RAPGEF4: variants seen among roughly 807,000 people sequenced by gnomAD.
RAPGEF4 encodes Rap guanine nucleotide exchange factor 4, also known as RAP guanine-nucleotide-exchange factor (GEF) 4.
A neutral mutation model predicts 147.9 loss-of-function variants in RAPGEF4; 66 were observed. The ratio of observed to expected loss-of-function variants is 0.45; its 90% CI spans 0.37 to 0.55. The LOEUF (loss-of-function observed/expected upper bound fraction) is 0.55, where lower values mean the gene tolerates loss of function less well. Ranked by LOEUF, RAPGEF4 falls within the 20% of genes least tolerant of loss-of-function variation. The pLI, the probability that RAPGEF4 is intolerant of heterozygous loss-of-function variation, is 0.00. For synonymous variants in RAPGEF4, 419 were observed against 442.7 expected (o/e 0.95, Z 0.67); for missense variants, 1,071 against 1,257.3 (o/e 0.85, Z 2.24).
intron 1 of RAPGEF4, among the ~76,000 whole-genome samples, chr2:172,788,911 TA>T (rs1191375302): frequency 2.0e-5 from 3 of 151,578 alleles, no homozygotes; most frequent in East Asian, 1.9e-4. Context: ...TAAAATAAAA[TA>T]AAATAAATAA....
intron 29 of RAPGEF4, among the ~76,000 whole-genome samples, chr2:173,036,998 G>A (rs1684102420): frequency 1.3e-5 from 2 of 152,082 alleles, no homozygotes; most frequent in South Asian, 4.1e-4. Flanking sequence ...TTGTTGTTTT[G>A]CTATAACGTT....
intron 6 of RAPGEF4, 90 bp from the exon 7 acceptor site, chr2:172,960,670 A>C (rs1281780769): frequency 1.1e-6 from 1 of 877,848 alleles, no homozygotes; most frequent in Admixed American, 3.2e-5. Flanking sequence ...TTTTATAAAA[A>C]ATGGATGTTT....
intron 11 of RAPGEF4, among the ~76,000 whole-genome samples, chr2:172,984,238 T>G (rs1018058081): frequency 2.6e-5 from 4 of 152,148 alleles, no homozygotes; most frequent in Admixed American, 2.6e-4. Flanking sequence ...CACTAATAAG[T>G]TAAGAAGAAT....
At chr2:172,889,385 G>A (rs377436987) in intron 4 of RAPGEF4, among the ~76,000 whole-genome samples, 6 of 152,066 alleles carry the variant, frequency 3.9e-5, no homozygotes, top group Non-Finnish European at 8.8e-5. Flanking sequence ...ACAAAGAGTC[G>A]TATTTGCTTA....
intron 4 of RAPGEF4, among the ~76,000 whole-genome samples, chr2:172,908,975 G>A (rs996326678): frequency 2.0e-5 from 3 of 152,176 alleles, no homozygotes; most frequent in Non-Finnish European, 4.4e-5. Context: ...TTTCCTAACT[G>A]CCTTTAGAGG....
At chr2:173,000,166 A>G (rs1408791570) in intron 16 of RAPGEF4, among the ~76,000 whole-genome samples, 1 of 152,214 alleles carries the variant, frequency 6.6e-6, no homozygotes, top group Non-Finnish European at 1.5e-5. Context: ...TCTCTGGCTC[A>G]GTATAACGGG....
chr2:172,906,875 G>C (rs969220565), intron 4 of RAPGEF4, among the ~76,000 whole-genome samples: 3 of 152,274 alleles, frequency 2.0e-5, no homozygotes, highest in Non-Finnish European at 2.9e-5. Context: ...GTCTCAGAAA[G>C]TGACATGCCT....
intron 6 of RAPGEF4, among the ~76,000 whole-genome samples, chr2:172,926,588 T>G (rs1026520089): frequency 2.0e-5 from 3 of 152,154 alleles, no homozygotes; most frequent in Non-Finnish European, 4.4e-5. Context: ...TTGTTTGTTT[T>G]TCAAGATGGA....
intron 1 of RAPGEF4, among the ~76,000 whole-genome samples, chr2:172,783,091 C>G (rs994630245): frequency 6.6e-6 from 1 of 152,202 alleles, no homozygotes; most frequent in Non-Finnish European, 1.5e-5. Context: ...TCTTCACTTA[C>G]AAATGCAGGG....
At chr2:172,952,295 G>A (rs1688285207) in intron 6 of RAPGEF4, among the ~76,000 whole-genome samples, 1 of 152,034 alleles carries the variant, frequency 6.6e-6, no homozygotes, top group Non-Finnish European at 1.5e-5. Context: ...CTTAACATTT[G>A]TTTTATTTCC....
intron 1 of RAPGEF4, among the ~76,000 whole-genome samples, chr2:172,747,206 G>A (rs1240957474): frequency 6.6e-6 from 1 of 152,128 alleles, no homozygotes; most frequent in African/African-American, 2.4e-5. Flanking sequence ...CATCTTCATT[G>A]AGGCACAATT....
chr2:172,938,437 A>C (rs772925594), intron 6 of RAPGEF4, among the ~76,000 whole-genome samples: 9 of 152,112 alleles, frequency 5.9e-5, no homozygotes, highest in Non-Finnish European at 1.3e-4. Context: ...ATATACATTT[A>C]CAGTGGTTTA....
intron 18 of RAPGEF4, 65 bp downstream of exon 18, chr2:173,014,679 G>A (rs1040935945): frequency 2.7e-6 from 4 of 1,489,264 alleles, no homozygotes; most frequent in Non-Finnish European, 1.8e-6. Context: ...CTACTTATAG[G>A]CTCAGCAGCT....
intron 6 of RAPGEF4, among the ~76,000 whole-genome samples, chr2:172,953,710 C>T (rs977406869): frequency 1.3e-5 from 2 of 152,120 alleles, no homozygotes; most frequent in Non-Finnish European, 2.9e-5. Flanking sequence ...ATGTTCAGCT[C>T]TTGTTGGAGC....
At chr2:172,885,870 C>A (rs898808337) in intron 4 of RAPGEF4, among the ~76,000 whole-genome samples, 4 of 152,090 alleles carry the variant, frequency 2.6e-5, no homozygotes, top group Admixed American at 6.5e-5. Flanking sequence ...AGTGCCAGAA[C>A]CTTTCATGGT....
intron 3 of RAPGEF4, among the ~76,000 whole-genome samples, chr2:172,798,251 T>TA: frequency 6.6e-6 from 1 of 151,668 alleles, no homozygotes; most frequent in Non-Finnish European, 1.5e-5. Context: ...TTATGAATAT[T>TA]AAAAAAACGA....
At chr2:172,848,396 T>C (rs910851596) in intron 4 of RAPGEF4, among the ~76,000 whole-genome samples, 21 of 152,226 alleles carry the variant, frequency 1.4e-4, no homozygotes, top group African/African-American at 5.1e-4. Flanking sequence ...TTAATTAAAA[T>C]TTACTTGCCA....
At position 173,030,065 on chromosome 2, in the gene RAPGEF4, C is replaced by T. The variant is rs1312236067; in HGVS notation, c.2559-99C>T. On this transcript the variant is annotated intron_variant, in intron 25 of 30. Transcript: ENST00000397081. The stretch of plus-strand genomic sequence containing the variant: ...TCATTGCCTGTTCTCATAAATGAGC[C>T]CTGACAAATATTAATGACTATCAGA... 3.9e-6 allele frequency: 3 copies of T among 770,452 alleles called. No homozygotes were observed. The African/African-American group carries it at 5.2e-5, about 13-fold the overall frequency. The allele number at this position is 770,452 out of a possible 1,614,324, so 47.7% of individuals were successfully genotyped here.
At chr2:172,736,091 G>A in intron 1 of RAPGEF4, 43 bp downstream of exon 1, 4 of 1,413,512 alleles carry the variant, frequency 2.8e-6, no homozygotes, top group Non-Finnish European at 3.7e-6. Flanking sequence ...GCTCTGCGGT[G>A]CTGCCCGGGC....
Sources: allele counts gnomAD v4.1 joint callset (sites outside exome capture counted in the v4.1 genomes callset), GRCh38; gene constraint gnomAD v4.1.1; transcripts MANE v1.5; gene names NCBI Gene and HGNC (gene_info 2026-07-23, HGNC 2026-07-21).